Variants in PCDHGA4 observed in about 807,000 individuals in gnomAD.
PCDHGA4 encodes the protein protocadherin gamma-A4.
A neutral mutation model predicts 54.6 loss-of-function variants in PCDHGA4; 38 were observed. The ratio of observed to expected loss-of-function variants is 0.70; its 90% CI spans 0.54 to 0.91. The LOEUF (loss-of-function observed/expected upper bound fraction) is 0.91, where lower values mean the gene tolerates loss of function less well. Ranked by LOEUF, PCDHGA4 falls within the 40% of genes least tolerant of loss-of-function variation. The pLI is 0.00. For missense variants in PCDHGA4, 1,298 were observed against 1,220.9 expected (o/e 1.06, Z -0.94); for synonymous variants, 511 against 512.9 (o/e 1.00, Z 0.05).
intron 2 of PCDHGA4, among the ~76,000 whole-genome samples, chr5:141,498,971 G>GGGAAGGAA (rs201769957): frequency 0.022 from 2,449 of 111,032 alleles, 52 homozygotes; most frequent in African/African-American, 0.046. Flanking sequence ...GAGGGAGGGA[G>GGGAAGGAA]GGAAGGAAGG....
In PCDHGA4 at chr5:141,432,171, T is replaced by C. The variant is rs114326665; in HGVS notation, c.2515-62636T>C. On this transcript the variant is annotated intron_variant, in intron 1 of 3. Coordinates refer to ENST00000571252, the MANE Select transcript of PCDHGA4 (RefSeq NM_018917.4). This position sits in a 1 kb window ranked among gnomAD's most constrained non-coding sequence, Gnocchi z 6.0. ...GAGAACAATCCCAGAGGAGTTTCCC[T>C]CGTCTCTGTGACCGCCCACGACCCC... The C allele has an allele frequency of 4.4e-5, 71 of 1,614,046 alleles. No individual in the cohort carries two copies. In the African/African-American group the frequency reaches 8.5e-4, roughly 19 times the overall value.
At chr5:141,381,099 T>C (rs1284355665) in intron 1 of PCDHGA4, among the ~76,000 whole-genome samples, 1 of 152,230 alleles carries the variant, frequency 6.6e-6, no homozygotes, top group East Asian at 1.9e-4. Flanking sequence ...AAACAGAATG[T>C]CCTTCAAAGT....
chr5:141,364,913 G>C, intron 1 of PCDHGA4: 5 of 1,613,990 alleles, frequency 3.1e-6, no homozygotes, highest in Non-Finnish European at 4.2e-6. Flanking sequence ...TCCGGAGCTG[G>C]TGTTGGAACA....
intron 1 of PCDHGA4, chr5:141,405,363 C>G (rs765508317): frequency 5.0e-6 from 8 of 1,613,808 alleles, no homozygotes; most frequent in Non-Finnish European, 6.8e-6. Context: ...ATAGAAGACA[C>G]CCCTTTGGTT....
intron 1 of PCDHGA4, chr5:141,375,811 G>T: frequency 6.2e-7 from 1 of 1,614,224 alleles, no homozygotes; most frequent in South Asian, 1.1e-5. Context: ...CTGGCGTGGA[G>T]CTGGCGCCCC....
intron 1 of PCDHGA4, among the ~76,000 whole-genome samples, chr5:141,481,293 TC>T (rs2099535148): frequency 6.6e-6 from 1 of 152,174 alleles, no homozygotes; most frequent in South Asian, 2.1e-4. Context: ...ATTTCAGTCA[TC>T]TAAGGGAAAA....
At chr5:141,394,168 T>G in intron 1 of PCDHGA4, 1 of 1,613,752 alleles carries the variant, frequency 6.2e-7, no homozygotes, top group Non-Finnish European at 8.5e-7. Flanking sequence ...CCTCCTACTT[T>G]CCCTCATGCC....
intron 1 of PCDHGA4, chr5:141,423,601 C>A (rs372165060): frequency 1.9e-6 from 3 of 1,612,704 alleles, no homozygotes; most frequent in Non-Finnish European, 2.5e-6. Flanking sequence ...AAGCGAGCCA[C>A]TCTTGATAGC....
At chr5:141,409,756 C>T in intron 1 of PCDHGA4, 1 of 1,612,994 alleles carries the variant, frequency 6.2e-7, no homozygotes, top group Non-Finnish European at 8.5e-7. Flanking sequence ...TCGCGCAGCG[C>T]GCCTTTGATC....
intron 1 of PCDHGA4, among the ~76,000 whole-genome samples, chr5:141,382,339 C>A (rs1018758986): frequency 2.6e-5 from 4 of 152,082 alleles, no homozygotes; most frequent in African/African-American, 9.7e-5. Context: ...TAAGTAAAAT[C>A]TTTCATATGT....
At chr5:141,369,716 T>C (rs1229829600) in intron 1 of PCDHGA4, among the ~76,000 whole-genome samples, 1 of 152,218 alleles carries the variant, frequency 6.6e-6, no homozygotes, top group Non-Finnish European at 1.5e-5. Flanking sequence ...TTATAACTTT[T>C]AGAAGTTAGA....
At chr5:141,360,654 T>A (rs764068570) in intron 1 of PCDHGA4, 3 of 1,614,006 alleles carry the variant, frequency 1.9e-6, no homozygotes, top group Non-Finnish European at 2.5e-6. Flanking sequence ...ACCACCTTAA[T>A]GACAACGAGT....
chr5:141,390,173 T>C (rs1212038164), intron 1 of PCDHGA4: 1 of 1,613,616 alleles, frequency 6.2e-7, no homozygotes. Flanking sequence ...CGGAGTTTAA[T>C]TTCCTAAAAT....
In PCDHGA4 at chr5:141,355,317, G is replaced by A. The variant is rs762569662; in HGVS notation, c.210G>A (p.Gln70=). The part of the protein sequence containing the change: ...EQILYSVFEE[Q]EEGSVVGNIA... ...TTCTCTACTCGGTGTTTGAGGAGCA[G>A]GAAGAAGGCTCAGTGGTGGGCAACA... The change falls in exon 1 of 4, where the codon CAG becomes CAA. Residue 70 remains glutamine (Q), a synonymous_variant. Transcript: ENST00000571252. The A allele has an allele frequency of 2.5e-6, 4 of 1,613,882 alleles. No homozygotes were observed. The highest frequency in any genetic ancestry group is 2.5e-6 in the Non-Finnish European group (3 of 1,179,916).
intron 1 of PCDHGA4, chr5:141,408,797 C>A (rs965305130): frequency 6.2e-7 from 1 of 1,612,958 alleles, no homozygotes; most frequent in African/African-American, 1.3e-5. Context: ...TCTGGAGAAA[C>A]TCCTAGACCG....
chr5:141,439,568 A>G (rs2098121048), intron 1 of PCDHGA4, among the ~76,000 whole-genome samples: 1 of 152,208 alleles, frequency 6.6e-6, no homozygotes, highest in Non-Finnish European at 1.5e-5. Context: ...GTTCTAGAGT[A>G]GGGACTCAGA....
Position 141,477,312 on chromosome 5 carries a change from TTACTTC to T in PCDHGA4, c.2515-17493_2515-17488del, listed in dbSNP as rs773034406. Reference sequence around the variant, plus strand: ...GTTCCACCGGGTCTCCCTTTCAGCCTTACTTCTTCCCTCAAGAATTACTTCACTTTG... The same window carrying T: ...GTTCCACCGGGTCTCCCTTTCAGCCTTTCCCTCAAGAATTACTTCACTTTG... On this transcript the variant is annotated intron_variant, in intron 1 of 3. Coordinates refer to ENST00000571252, the MANE Select transcript of PCDHGA4 (RefSeq NM_018917.4). The surrounding 1 kb of genome is among the most constrained non-coding windows in gnomAD (Gnocchi z 4.9). The T allele has an allele frequency of 2.5e-6, 4 of 1,614,162 alleles. No homozygotes were observed. Among genetic ancestry groups the T allele is most frequent in the Non-Finnish European group, 3.4e-6 (4 of 1,180,032 alleles).
At chr5:141,419,017 A>G (rs1478763916) in intron 1 of PCDHGA4, 4 of 1,613,928 alleles carry the variant, frequency 2.5e-6, no homozygotes, top group Non-Finnish European at 3.4e-6. Flanking sequence ...GGTGTAGCTT[A>G]AGTAGAGGTG....
rs1267535064 is a variant in PCDHGA4, at chr5:141,395,542, T to TTGTTTGTG, written c.2514+37924_2514+37925insTTGTGTGT. On this transcript the variant is annotated intron_variant, in intron 1 of 3. Coordinates refer to ENST00000571252, the MANE Select transcript of PCDHGA4 (RefSeq NM_018917.4). Reference sequence around the variant, plus strand: ...TCCATACTGGTAATTTTGCTATTGTTTGTGTGTGTGTGTGTGTGTGTGTGT... The same window carrying TTGTTTGTG: ...TCCATACTGGTAATTTTGCTATTGTTTGTTTGTGTGTGTGTGTGTGTGTGTGTGTGTGT... 308 of 172,612 alleles carry TTGTTTGTG rather than the reference T, an allele frequency of 1.8e-3. 2 individuals are homozygous for TTGTTTGTG. Among genetic ancestry groups the TTGTTTGTG allele is most frequent in the African/African-American group, 0.017 (292 of 17,534 alleles). The allele number at this position is 172,612 out of a possible 1,614,324, so 10.7% of individuals were successfully genotyped here.
Sources: allele counts gnomAD v4.1 joint callset (sites outside exome capture counted in the v4.1 genomes callset), GRCh38; gene constraint gnomAD v4.1.1; non-coding constraint Gnocchi (gnomAD v3.1); transcripts MANE v1.5; gene names NCBI Gene and HGNC (gene_info 2026-07-23, HGNC 2026-07-21).